The following NCEH1 variants were observed in gnomAD, a reference collection of about 807,000 sequenced individuals.
NCEH1 encodes neutral cholesterol ester hydrolase 1, also known as 2-acetyl MAGE hydrolase.
Under a neutral mutation model 25.4 loss-of-function variants are expected in NCEH1, and 9 were observed. The observed-to-expected ratio is 0.35, with a 90% CI of 0.21 to 0.62. The LOEUF is 0.62. NCEH1 is among the 20% of genes least tolerant of loss of function. NCEH1 has a pLI of 0.72. For synonymous variants in NCEH1, 200 were observed against 199.8 expected, an observed-to-expected ratio of 1.00 and a Z score of -0.01; for missense variants, 412 against 501.1, an observed-to-expected ratio of 0.82 and a Z score of 1.70.
At chr3:172,676,767 A>G (rs1486908589) in intron 1 of NCEH1, among the ~76,000 whole-genome samples, 1 of 152,106 alleles carries the variant, frequency 6.6e-6, no homozygotes, top group Non-Finnish European at 1.5e-5. Context: ...CAGTCATCGG[A>G]GCCATGTCAT....
At chr3:172,634,621 C>A (rs1043131210) in intron 4 of NCEH1, among the ~76,000 whole-genome samples, 3 of 152,118 alleles carry the variant, frequency 2.0e-5, no homozygotes, top group South Asian at 2.1e-4. Flanking sequence ...TGGCAATGCA[C>A]CCTCCATTCT....
At chr3:172,667,035 T>G (rs1718241030) in intron 1 of NCEH1, among the ~76,000 whole-genome samples, 1 of 152,160 alleles carries the variant, frequency 6.6e-6, no homozygotes, top group Non-Finnish European at 1.5e-5. Flanking sequence ...GAAATCCTCT[T>G]CATAGGACAT....
chr3:172,669,264 C>G (rs1028355126), intron 1 of NCEH1, among the ~76,000 whole-genome samples: 1 of 152,194 alleles, frequency 6.6e-6, no homozygotes, highest in African/African-American at 2.4e-5. Context: ...TGAGATCTGC[C>G]TAGGAAGCAG....
intron 1 of NCEH1, among the ~76,000 whole-genome samples, chr3:172,692,661 G>C (rs936003251): frequency 2.0e-5 from 3 of 152,082 alleles, no homozygotes; most frequent in African/African-American, 7.2e-5. Context: ...CACCGTGCCT[G>C]GCCTAGAATA....
intron 1 of NCEH1, among the ~76,000 whole-genome samples, chr3:172,658,821 T>C (rs1483951277): frequency 6.6e-6 from 1 of 151,028 alleles, no homozygotes; most frequent in African/African-American, 2.4e-5. Flanking sequence ...GATAAGGTTG[T>C]CTCTTTCCAA....
At chr3:172,649,570 C>CA (rs1413229438) in intron 1 of NCEH1, among the ~76,000 whole-genome samples, 4 of 152,184 alleles carry the variant, frequency 2.6e-5, no homozygotes, top group Non-Finnish European at 4.4e-5. Flanking sequence ...ATGTACTGCA[C>CA]AGAGGATTCT....
In NCEH1 at chr3:172,669,589, G is replaced by A. The variant is rs547801988; in HGVS notation, c.139-21475C>T. Among the ~76,000 whole-genome samples the A allele has an allele frequency of 4.6e-5, 7 of 152,214 alleles. No individual in the cohort carries two copies. In the East Asian group the frequency reaches 1.2e-3, roughly 25 times the overall value. On this transcript the variant is annotated intron_variant, in intron 1 of 4. Coordinates refer to ENST00000475381, the MANE Select transcript of NCEH1 (RefSeq NM_020792.6). ...TGACATGGAGTCACCCAGGCTGGAG[G>A]GCAGTGGCACAATCTCGGCTCACTG... is the stretch of plus-strand genomic sequence containing the variant.
chr3:172,694,667 C>T (rs1188434939), intron 1 of NCEH1, among the ~76,000 whole-genome samples: 1 of 152,172 alleles, frequency 6.6e-6, no homozygotes, highest in African/African-American at 2.4e-5. Context: ...CCCTGACAGG[C>T]CCATTGCAGT....
At chr3:172,710,485 G>A (rs1258570676) in intron 1 of NCEH1, among the ~76,000 whole-genome samples, 3 of 152,226 alleles carry the variant, frequency 2.0e-5, no homozygotes, top group Non-Finnish European at 4.4e-5. Flanking sequence ...CGGTCCCTAT[G>A]GGAGAACGAC....
intron 1 of NCEH1, among the ~76,000 whole-genome samples, chr3:172,708,433 G>A (rs1484480699): frequency 2.6e-5 from 4 of 152,114 alleles, no homozygotes; most frequent in Non-Finnish European, 4.4e-5. Flanking sequence ...TCGACTCAAC[G>A]CAACCTCCGC....
At chr3:172,679,310 A>G (rs1299483391) in intron 1 of NCEH1, among the ~76,000 whole-genome samples, 1 of 152,228 alleles carries the variant, frequency 6.6e-6, no homozygotes, top group East Asian at 1.9e-4. Context: ...TCTTTATTAC[A>G]GCTAGCAGAT....
intron 3 of NCEH1, among the ~76,000 whole-genome samples, chr3:172,644,975 TA>T (rs995769920): frequency 1.3e-5 from 2 of 152,248 alleles, no homozygotes; most frequent in African/African-American, 4.8e-5. Context: ...GGATGGTATC[TA>T]AAAAAGACCT....
rs1553830302 is a variant in NCEH1, at chr3:172,653,735, G to GTTTTTTTTTTTTTTTTT, written c.139-5622_139-5621insAAAAAAAAAAAAAAAAA. 2.3e-4 allele frequency among the ~76,000 whole-genome samples: 16 copies of GTTTTTTTTTTTTTTTTT among 71,010 alleles called. 1 individual carries two copies. The highest frequency in any genetic ancestry group is 7.6e-4 in the African/African-American group (15 of 19,674). 46.6% of individuals were successfully genotyped at this position (71,010 alleles called of 152,430 possible). A position where few individuals can be genotyped will look rare whatever the true frequency, so the allele number is the denominator to read the frequency against. On this transcript the variant is annotated intron_variant, in intron 1 of 4. Transcript: ENST00000475381. ...TTGTTTTTGTTGTTGTTGTTGTTCT[G>GTTTTTTTTTTTTTTTTT]TTTTTTTTGTTTTTTTGTTTTTTTG...
intron 1 of NCEH1, among the ~76,000 whole-genome samples, chr3:172,656,694 A>C (rs1346790899): frequency 1.3e-5 from 2 of 152,098 alleles, no homozygotes; most frequent in Non-Finnish European, 2.9e-5. Context: ...TGACACCGGG[A>C]GGCAGAGACT....
At chr3:172,647,488 G>T (rs1399032213) in intron 2 of NCEH1, among the ~76,000 whole-genome samples, 1 of 152,160 alleles carries the variant, frequency 6.6e-6, no homozygotes, top group African/African-American at 2.4e-5. Flanking sequence ...ACACAAGTTG[G>T]CAAAAGAAGC....
At chr3:172,643,673 A>G (rs1045442991) in intron 3 of NCEH1, among the ~76,000 whole-genome samples, 2 of 152,328 alleles carry the variant, frequency 1.3e-5, no homozygotes, top group East Asian at 1.9e-4. Flanking sequence ...GGAGAAGGGA[A>G]TGGAGGAACG....
chr3:172,670,706 G>C (rs1711561483), intron 1 of NCEH1, among the ~76,000 whole-genome samples: 1 of 152,148 alleles, frequency 6.6e-6, no homozygotes, highest in African/African-American at 2.4e-5. Flanking sequence ...AACATTAGAA[G>C]CATCAGTAGT....
Position 172,648,037 on chromosome 3 carries a change from T to A in NCEH1, c.216A>T (p.Lys72Asn), listed in dbSNP as rs1271781202. The change falls in exon 2 of 5, where the codon AAA becomes AAT. Residue 72 changes from lysine to asparagine, a missense_variant. Around this residue, in one of 3 missense-constraint regions of NCEH1, gnomAD observed 178 missense variants for 189.2 expected, o/e 0.94. Transcript: ENST00000475381. ...TCACTTGGGCAGAAGACCACGCGCTTTTTTTGCCAAAAGAAACAATGATAA... is the reference window on the plus strand; with the variant it reads ...TCACTTGGGCAGAAGACCACGCGCTATTTTTGCCAAAAGAAACAATGATAA... ...LNFIIVSFGKKSAWSSAQVKV... is the reference protein window; with the variant it reads ...LNFIIVSFGKNSAWSSAQVKV... 1 of 1,614,030 alleles carries A rather than the reference T, an allele frequency of 6.2e-7. No homozygotes were observed. The highest frequency in any genetic ancestry group is 8.5e-7 in the Non-Finnish European group (1 of 1,180,032).
intron 1 of NCEH1, among the ~76,000 whole-genome samples, chr3:172,659,986 T>TC (rs1347727565): frequency 7.4e-6 from 1 of 135,318 alleles, no homozygotes; most frequent in African/African-American, 3.0e-5. Flanking sequence ...GAAGCATTTC[T>TC]TTTTTTTTTT....
Sources: allele counts gnomAD v4.1 joint callset (sites outside exome capture counted in the v4.1 genomes callset), GRCh38; gene constraint gnomAD v4.1.1; regional missense constraint gnomAD v4.1.1; transcripts MANE v1.5; gene names NCBI Gene and HGNC (gene_info 2026-07-23, HGNC 2026-07-21).